Variants in PTPRD observed in about 807,000 individuals in gnomAD.
PTPRD encodes receptor-type tyrosine-protein phosphatase delta.
In PTPRD, 34 loss-of-function variants were observed where a neutral mutation model predicts 214.5. The ratio of observed to expected loss-of-function variants is 0.16; its 90% confidence interval spans 0.12 to 0.21. The LOEUF is 0.21. Ranked by LOEUF, PTPRD falls within the 10% of genes least tolerant of loss-of-function variation. The pLI, the probability that PTPRD is intolerant of heterozygous loss-of-function variation, is 1.00. For missense variants in PTPRD, 2,545 were observed against 2,398.7 expected, an observed-to-expected ratio of 1.06 and a Z score of -1.27; for synonymous variants, 1,128 against 845.7, an observed-to-expected ratio of 1.33 and a Z score of -5.79.
At chr9:8,913,783 G>A (rs529231748) in intron 11 of PTPRD, among the ~76,000 whole-genome samples, 2 of 152,180 alleles carry the variant, frequency 1.3e-5, no homozygotes, top group South Asian at 4.2e-4. Context: ...ACTTATTGGT[G>A]GACAATGAAG....
Position 9,413,100 on chromosome 9 carries a change from CTTTTT to C in PTPRD, c.-236-15623_-236-15619del, listed in dbSNP as rs5896325. ...CAAGTTATAAAATATCTTGCAGCTT[CTTTTT>C]TTTTTTTTTTTTTTTTTTTTGAGAC... is the stretch of plus-strand genomic sequence containing the variant. On this transcript the variant is annotated intron_variant, in intron 8 of 45. Transcript: ENST00000381196. Among the ~76,000 whole-genome samples the C allele has an allele frequency of 2.8e-3, 176 of 63,020 alleles. 6 individuals are homozygous for C. In the East Asian group the frequency reaches 0.066, roughly 23 times the overall value. 41.3% of individuals were successfully genotyped at this position (63,020 alleles called of 152,430 possible). A position where few individuals can be genotyped will look rare whatever the true frequency, so the allele number is the denominator to read the frequency against.
At chr9:9,967,616 A>G (rs1330266386) in intron 4 of PTPRD, among the ~76,000 whole-genome samples, 1 of 152,206 alleles carries the variant, frequency 6.6e-6, no homozygotes, top group Non-Finnish European at 1.5e-5. Flanking sequence ...CATAGGGTTT[A>G]AGAGACTTTC....
chr9:9,347,570 G>C (rs906996970), intron 9 of PTPRD, among the ~76,000 whole-genome samples: 5 of 151,872 alleles, frequency 3.3e-5, no homozygotes, highest in African/African-American at 1.2e-4. Flanking sequence ...TTATTCTTTA[G>C]CTATTACACA....
At chr9:9,226,384 T>G (rs1369107626) in intron 9 of PTPRD, among the ~76,000 whole-genome samples, 2 of 151,984 alleles carry the variant, frequency 1.3e-5, no homozygotes, top group Admixed American at 1.3e-4. Flanking sequence ...GCTATCTTAA[T>G]CCCTATCTAT....
intron 14 of PTPRD, among the ~76,000 whole-genome samples, chr9:8,590,303 C>A (rs898838159): frequency 1.3e-5 from 2 of 151,962 alleles, no homozygotes; most frequent in Non-Finnish European, 2.9e-5. Context: ...TGTGGATATC[C>A]AAGAATAATA....
chr9:10,105,230 G>A (rs1237925450), intron 3 of PTPRD, among the ~76,000 whole-genome samples: 2 of 151,628 alleles, frequency 1.3e-5, no homozygotes, highest in Non-Finnish European at 2.9e-5. Flanking sequence ...AGTCTTGAGG[G>A]ATTAAAATTA....
intron 3 of PTPRD, among the ~76,000 whole-genome samples, chr9:10,337,357 C>T (rs889484022): frequency 6.6e-6 from 1 of 151,638 alleles, no homozygotes; most frequent in Non-Finnish European, 1.5e-5. Flanking sequence ...GCACACTTTG[C>T]TCTTCCTGAT....
At chr9:10,019,987 G>A (rs2096814164) in intron 4 of PTPRD, among the ~76,000 whole-genome samples, 1 of 152,028 alleles carries the variant, frequency 6.6e-6, no homozygotes, top group Non-Finnish European at 1.5e-5. Context: ...ACAGGTTAAT[G>A]TATATAAACG....
intron 12 of PTPRD, among the ~76,000 whole-genome samples, chr9:8,690,687 G>A (rs1159849013): frequency 6.6e-6 from 1 of 151,950 alleles, no homozygotes; most frequent in Non-Finnish European, 1.5e-5. Context: ...CTGACAGAGG[G>A]GGGAGAATGA....
chr9:10,474,577 A>T (rs2099051072), intron 2 of PTPRD, among the ~76,000 whole-genome samples: 1 of 151,540 alleles, frequency 6.6e-6, no homozygotes, highest in South Asian at 2.1e-4. Flanking sequence ...ATTAGATCAA[A>T]GAGGCAGAAA....
chr9:9,016,948 G>A (rs1394797405), intron 11 of PTPRD, among the ~76,000 whole-genome samples: 1 of 152,018 alleles, frequency 6.6e-6, no homozygotes, highest in Non-Finnish European at 1.5e-5. Context: ...TCAGTATTTT[G>A]GATTTAGAGT....
chr9:10,030,836 T>A (rs897430228), intron 4 of PTPRD, among the ~76,000 whole-genome samples: 2 of 152,218 alleles, frequency 1.3e-5, no homozygotes, highest in African/African-American at 4.8e-5. Flanking sequence ...TCGGACTCTA[T>A]GGTTTGTCAT....
At chr9:9,384,259 T>A (rs2063168824) in intron 9 of PTPRD, among the ~76,000 whole-genome samples, 1 of 150,848 alleles carries the variant, frequency 6.6e-6, no homozygotes, top group Non-Finnish European at 1.5e-5. Flanking sequence ...GTGTACCATG[T>A]TGTGTATTGT....
intron 7 of PTPRD, among the ~76,000 whole-genome samples, chr9:9,619,716 T>C (rs138545128): frequency 0.011 from 1,542 of 145,968 alleles, 26 homozygotes; most frequent in African/African-American, 0.036. Flanking sequence ...TATGTATTTA[T>C]ATATAATCGT....
At chr9:9,923,556 C>A (rs984046343) in intron 5 of PTPRD, among the ~76,000 whole-genome samples, 1 of 151,794 alleles carries the variant, frequency 6.6e-6, no homozygotes, top group Admixed American at 6.6e-5. Flanking sequence ...AATGCTTAAA[C>A]GTTTCCTACA....
At chr9:9,816,248 AT>A (rs1342306581) in intron 5 of PTPRD, among the ~76,000 whole-genome samples, 1 of 152,124 alleles carries the variant, frequency 6.6e-6, no homozygotes, top group African/African-American at 2.4e-5. Flanking sequence ...TGCTAAACAA[AT>A]TTTTTCCGTT....
chr9:10,269,495 C>T (rs1394046671), intron 3 of PTPRD, among the ~76,000 whole-genome samples: 1 of 151,996 alleles, frequency 6.6e-6, no homozygotes, highest in Non-Finnish European at 1.5e-5. Context: ...ATACAACCAC[C>T]TGAGGAAAGA....
chr9:8,442,247 A>G (rs185734384), intron 34 of PTPRD, among the ~76,000 whole-genome samples: 9 of 152,346 alleles, frequency 5.9e-5, no homozygotes, highest in Admixed American at 5.2e-4. Flanking sequence ...GCTTTTCAAA[A>G]GTCCTGCTCT....
rs558990056 is a variant in PTPRD at position 9,431,381 on chromosome 9, G to A, written c.-236-33899C>T. 7.9e-5 allele frequency among the ~76,000 whole-genome samples: 12 copies of A among 151,562 alleles called. No homozygotes were observed. In the South Asian group the frequency reaches 1.3e-3, roughly 16 times the overall value. ...ACCATCTCACACCAGTTAGAATGGC[G>A]ATCATTAAAAAGTCAGGAAACAACA... On this transcript the variant is annotated intron_variant, in intron 8 of 45. Coordinates refer to ENST00000381196, the MANE Select transcript of PTPRD (RefSeq NM_002839.4).
Sources: gnomAD v4.1 joint callset for allele counts (sites outside exome capture counted in the v4.1 genomes callset) on GRCh38, gnomAD v4.1.1 for gene constraint, MANE v1.5 for transcripts, NCBI Gene and HGNC (gene_info 2026-07-23, HGNC 2026-07-21) for gene names.